LRBA: variants seen among roughly 807,000 people sequenced by gnomAD.
LRBA encodes the protein LPS responsive beige-like anchor protein, also known as lipopolysaccharide-responsive and beige-like anchor protein.
Under a neutral mutation model 330.0 loss-of-function variants are expected in LRBA, and 176 were observed. The observed-to-expected ratio is 0.53, with a 90% confidence interval of 0.47 to 0.60. The LOEUF is 0.60. LRBA is among the 20% of genes least tolerant of loss of function. The pLI, the probability that LRBA is intolerant of heterozygous loss-of-function variation, is 0.00. For missense variants in LRBA, 3,259 were observed against 3,444.8 expected (o/e 0.95, Z 1.35); for synonymous variants, 1,230 against 1,193.0 (o/e 1.03, Z -0.64).
At chr4:150,269,804 G>T (rs1488000628) in intron 56 of LRBA, among the ~76,000 whole-genome samples, 1 of 152,032 alleles carries the variant, frequency 6.6e-6, no homozygotes, top group East Asian at 1.9e-4. Flanking sequence ...AAAAAGCTGG[G>T]CATGGTGGCA....
chr4:150,277,841 T>A lies in LRBA; in HGVS notation c.8468+12A>T. 6.2e-7 allele frequency: 1 copy of A among 1,613,220 alleles called. No individual in the cohort carries two copies. Among genetic ancestry groups the A allele is most frequent in the Middle Eastern group, 1.7e-4 (1 of 6,056 alleles). On this transcript the variant is annotated intron_variant, in intron 56 of 56. Coordinates refer to ENST00000651943, the MANE Select transcript of LRBA (RefSeq NM_001364905.1). ...TGAAACCCCTATTTGTAGCCCATGA[T>A]TCCAGTGTTACCTCTGGTCGTAAGA...
At chr4:150,387,613 C>A (rs999483663) in intron 47 of LRBA, among the ~76,000 whole-genome samples, 3 of 151,948 alleles carry the variant, frequency 2.0e-5, no homozygotes, top group Non-Finnish European at 2.9e-5. Context: ...GGAAATCAAA[C>A]TGAAAAGTAA....
At chr4:150,991,053 C>CA (rs543266001) in intron 2 of LRBA, among the ~76,000 whole-genome samples, 2,326 of 59,626 alleles carry the variant, frequency 0.039, 142 homozygotes, top group East Asian at 0.26. Flanking sequence ...ACTCTGTCTC[C>CA]AAAAAAAAAA....
In LRBA at chr4:150,583,006, T is replaced by A. The variant is rs1171138555; in HGVS notation, c.6330+5042A>T. 1 of 1,557,614 alleles carries A rather than the reference T, an allele frequency of 6.4e-7. No homozygotes were observed. The highest frequency in any genetic ancestry group is 1.4e-5 in the African/African-American group (1 of 73,254). On this transcript the variant is annotated intron_variant, in intron 40 of 56. Transcript: ENST00000651943. This position sits in a 1 kb window ranked among gnomAD's most constrained non-coding sequence, Gnocchi z 9.8. Reference sequence around the variant, plus strand: ...CTCAACGTATTGCGAGACGCCGGTGTATAGCCCGGACCTGTGCCCCAACAT... The same window carrying A: ...CTCAACGTATTGCGAGACGCCGGTGAATAGCCCGGACCTGTGCCCCAACAT...
intron 52 of LRBA, 121 bp downstream of exon 52, chr4:150,310,108 C>T: frequency 1.6e-6 from 1 of 640,842 alleles, no homozygotes. Context: ...CCCTCTTCTC[C>T]CTATTTTGTA....
At chr4:150,287,198 G>A (rs1560965616) in intron 53 of LRBA, among the ~76,000 whole-genome samples, 1 of 152,252 alleles carries the variant, frequency 6.6e-6, no homozygotes, top group Admixed American at 6.5e-5. Flanking sequence ...ACTATCCTTG[G>A]AGCAGTCACC....
chr4:150,413,548 T>C (rs1331203894), intron 47 of LRBA, among the ~76,000 whole-genome samples: 12 of 152,152 alleles, frequency 7.9e-5, no homozygotes, highest in South Asian at 2.1e-4. Context: ...CTACATATTG[T>C]ATGATTCCAT....
rs142619296 is a variant in LRBA at position 150,427,517 on chromosome 4, A to G, written c.7041+8072T>C. 2.0e-5 allele frequency among the ~76,000 whole-genome samples: 3 copies of G among 152,128 alleles called. No individual in the cohort carries two copies. The East Asian group carries it at 5.8e-4, about 29-fold the overall frequency. Reference sequence around the variant, plus strand: ...AGTTACGTATAAAAAGCAAGGATAAACAGACATATTTGAGAAAGCTTGAGC... The same window carrying G: ...AGTTACGTATAAAAAGCAAGGATAAGCAGACATATTTGAGAAAGCTTGAGC... On this transcript the variant is annotated intron_variant, in intron 46 of 56. Coordinates refer to ENST00000651943, the MANE Select transcript of LRBA (RefSeq NM_001364905.1).
At chr4:150,289,000 A>G (rs1021089729) in intron 53 of LRBA, among the ~76,000 whole-genome samples, 5 of 152,294 alleles carry the variant, frequency 3.3e-5, no homozygotes, top group East Asian at 1.9e-4. Flanking sequence ...AAGAACATCA[A>G]TGCTAACTTT....
intron 47 of LRBA, 21 bp downstream of exon 47, chr4:150,415,417 A>C: frequency 1.9e-6 from 3 of 1,609,626 alleles, no homozygotes; most frequent in Non-Finnish European, 2.5e-6. Flanking sequence ...TGACAGACAG[A>C]GTAGATGATT....
At chr4:150,465,526 T>G (rs1175161702) in intron 44 of LRBA, among the ~76,000 whole-genome samples, 2 of 152,182 alleles carry the variant, frequency 1.3e-5, no homozygotes, top group Non-Finnish European at 2.9e-5. Flanking sequence ...CTTGTGATTT[T>G]CTGGGTTTGT....
intron 40 of LRBA, among the ~76,000 whole-genome samples, chr4:150,524,476 C>A (rs746657392): frequency 3.3e-5 from 5 of 152,106 alleles, no homozygotes; most frequent in Non-Finnish European, 5.9e-5. Flanking sequence ...TGGGCACAAA[C>A]CCTGATTTCA....
chr4:150,745,498 A>G (rs1732567520), intron 35 of LRBA, among the ~76,000 whole-genome samples: 1 of 152,086 alleles, frequency 6.6e-6, no homozygotes, highest in Non-Finnish European at 1.5e-5. Context: ...ATAAAGAGAA[A>G]AAAACCTTTG....
intron 22 of LRBA, among the ~76,000 whole-genome samples, chr4:150,863,632 A>G (rs1315971504): frequency 6.6e-6 from 1 of 152,226 alleles, no homozygotes; most frequent in Non-Finnish European, 1.5e-5. Context: ...ACTGCACTCT[A>G]GCCTGGGTGA....
intron 40 of LRBA, among the ~76,000 whole-genome samples, chr4:150,568,041 C>A (rs1486122058): frequency 1.3e-5 from 2 of 152,172 alleles, no homozygotes; most frequent in Non-Finnish European, 2.9e-5. Context: ...CACTGTGGCT[C>A]ACGCCTGTAA....
chr4:150,351,166 T>G (rs1332337759), intron 47 of LRBA, among the ~76,000 whole-genome samples: 1 of 152,190 alleles, frequency 6.6e-6, no homozygotes, highest in Non-Finnish European at 1.5e-5. Context: ...ACAAGCGTTG[T>G]GCCTAAAACA....
At chr4:150,515,077 TAA>T (rs1181448812) in intron 40 of LRBA, among the ~76,000 whole-genome samples, 1 of 152,074 alleles carries the variant, frequency 6.6e-6, no homozygotes, top group Non-Finnish European at 1.5e-5. Flanking sequence ...GCTGAAAACT[TAA>T]AAAGAGATAA....
chr4:150,874,887 T>C (rs1185060213), intron 17 of LRBA, among the ~76,000 whole-genome samples: 7 of 152,032 alleles, frequency 4.6e-5, no homozygotes, highest in Non-Finnish European at 1.0e-4. Flanking sequence ...CTTGCCCAGA[T>C]TGGCAGCCTG....
At chr4:150,878,282 T>G (rs1754285334) in intron 17 of LRBA, among the ~76,000 whole-genome samples, 1 of 151,610 alleles carries the variant, frequency 6.6e-6, no homozygotes, top group African/African-American at 2.4e-5. Context: ...GAGGTTGTAG[T>G]GAGCTGAGAC....
Sources: gnomAD v4.1 joint callset for allele counts (sites outside exome capture counted in the v4.1 genomes callset) on GRCh38, gnomAD v4.1.1 for gene constraint, Gnocchi (gnomAD v3.1) non-coding constraint, MANE v1.5 for transcripts, NCBI Gene and HGNC (gene_info 2026-07-23, HGNC 2026-07-21) for gene names.